The following CTNNA2 variants were observed in gnomAD, a reference collection of about 807,000 sequenced individuals.
CTNNA2 encodes the protein catenin alpha-2.
Under a neutral mutation model 101.0 loss-of-function variants are expected in CTNNA2, and 42 were observed. The observed-to-expected ratio is 0.42, with a 90% CI of 0.32 to 0.54. The LOEUF is 0.54. Ranked by LOEUF, CTNNA2 falls within the 20% of genes least tolerant of loss-of-function variation. The pLI, the probability that CTNNA2 is intolerant of heterozygous loss-of-function variation, is 0.14. For synonymous variants in CTNNA2, 450 were observed against 456.4 expected (o/e 0.99, Z 0.18); for missense variants, 871 against 1,223.1 (o/e 0.71, Z 4.29).
intron 3 of CTNNA2, among the ~76,000 whole-genome samples, chr2:79,780,276 C>T (rs6707714): frequency 0.032 from 4,925 of 152,274 alleles, 111 homozygotes; most frequent in Middle Eastern, 0.11. Context: ...GCCACATGTT[C>T]TCAGCATCTC....
chr2:80,481,088 C>T (rs990999279), intron 9 of CTNNA2, among the ~76,000 whole-genome samples: 81 of 152,096 alleles, frequency 5.3e-4, no homozygotes, highest in African/African-American at 1.9e-3. Flanking sequence ...CTGGACATTC[C>T]TTTTCATTAC....
intron 7 of CTNNA2, among the ~76,000 whole-genome samples, chr2:80,238,994 T>G (rs937074314): frequency 3.9e-5 from 6 of 152,164 alleles, no homozygotes; most frequent in Non-Finnish European, 1.5e-5. Context: ...GCGTAAAATA[T>G]TTCAGAGCAG....
At chr2:80,011,858 GT>G (rs1693808135) in intron 7 of CTNNA2, among the ~76,000 whole-genome samples, 3 of 152,086 alleles carry the variant, frequency 2.0e-5, no homozygotes, top group Admixed American at 2.0e-4. Flanking sequence ...TTTTAAAGTA[GT>G]TGAAAATGTG....
intron 1 of CTNNA2, among the ~76,000 whole-genome samples, chr2:79,545,087 G>A (rs756805084): frequency 2.0e-5 from 3 of 152,108 alleles, no homozygotes; most frequent in East Asian, 1.9e-4. Flanking sequence ...TGATAGCACC[G>A]TTGCAGAGAC....
intron 7 of CTNNA2, among the ~76,000 whole-genome samples, chr2:80,208,467 G>A (rs931775476): frequency 1.3e-5 from 2 of 152,134 alleles, no homozygotes; most frequent in African/African-American, 4.8e-5. Flanking sequence ...TCAACAAAAT[G>A]TATTGATGGA....
intron 4 of CTNNA2, among the ~76,000 whole-genome samples, chr2:79,865,863 G>A (rs1428403378): frequency 1.3e-5 from 2 of 152,182 alleles, no homozygotes; most frequent in Non-Finnish European, 2.9e-5. Context: ...GGGACTATAG[G>A]CACCCACCAC....
intron 1 of CTNNA2, among the ~76,000 whole-genome samples, chr2:79,571,022 A>G (rs1675430040): frequency 6.6e-6 from 1 of 152,226 alleles, no homozygotes; most frequent in Admixed American, 6.5e-5. Flanking sequence ...TTATATCTGC[A>G]GTGATAACAA....
intron 7 of CTNNA2, among the ~76,000 whole-genome samples, chr2:80,114,020 T>G (rs922672720): frequency 1.3e-5 from 2 of 152,256 alleles, no homozygotes; most frequent in African/African-American, 4.8e-5. Context: ...TTTTATTATC[T>G]GCATCATGAG....
rs190390903 is a variant in CTNNA2 at position 79,966,078 on chromosome 2, T to C, written c.1056+56281T>C. On this transcript the variant is annotated intron_variant, in intron 7 of 18. Transcript: ENST00000402739. ...AAGAGATGCTCGTAACCCATTCATT[T>C]TTCTATGGTGAGTTTTTTTAATATC... Among the ~76,000 whole-genome samples, 264 of 152,198 alleles carry C rather than the reference T, an allele frequency of 1.7e-3. 4 individuals carry two copies. Among genetic ancestry groups the C allele is most frequent in the Admixed American group, 0.011 (166 of 15,274 alleles).
intron 2 of CTNNA2, among the ~76,000 whole-genome samples, chr2:79,293,910 A>G (rs1270361128): frequency 2.0e-5 from 3 of 152,188 alleles, no homozygotes; most frequent in Non-Finnish European, 4.4e-5. Context: ...TATCTTAGAT[A>G]CAGCAGGATG....
At chr2:80,197,667 G>A (rs563792859) in intron 7 of CTNNA2, among the ~76,000 whole-genome samples, 2 of 152,148 alleles carry the variant, frequency 1.3e-5, no homozygotes, top group African/African-American at 4.8e-5. Context: ...CTACTGTAGA[G>A]CCATCACCAA....
At chr2:80,189,581 T>C (rs947458389) in intron 7 of CTNNA2, among the ~76,000 whole-genome samples, 3 of 152,180 alleles carry the variant, frequency 2.0e-5, no homozygotes, top group African/African-American at 7.2e-5. Context: ...CTAAGCCTAT[T>C]ATTTTCCTAA....
intron 1 of CTNNA2, among the ~76,000 whole-genome samples, chr2:79,536,585 G>T (rs1350835029): frequency 1.3e-5 from 2 of 151,950 alleles, no homozygotes; most frequent in Non-Finnish European, 2.9e-5. Context: ...GTGTGTGTGT[G>T]TGTGTGTGTG....
Position 80,172,346 on chromosome 2 carries a change from G to A in CTNNA2, c.1057-220865G>A, listed in dbSNP as rs2148964663. On this transcript the variant is annotated intron_variant, in intron 7 of 18. Coordinates refer to ENST00000402739, the MANE Select transcript of CTNNA2 (RefSeq NM_001282597.3). ...AAATCATTTCATTGTTTTGAGACAG[G>A]CTATACAGGTTCTAGGTTACTGGCC... 1.3e-5 allele frequency among the ~76,000 whole-genome samples: 2 copies of A among 152,272 alleles called. 1 individual carries two copies. Among genetic ancestry groups the A allele is most frequent in the South Asian group, 4.1e-4 (2 of 4,820 alleles).
At chr2:80,581,950 G>T in intron 14 of CTNNA2, 131 bp downstream of exon 14, 2 of 607,590 alleles carry the variant, frequency 3.3e-6, no homozygotes, top group Non-Finnish European at 3.0e-6. Flanking sequence ...GCTCTCATCT[G>T]AGGTTGTTTA....
At chr2:80,515,333 A>C (rs77672086) in intron 9 of CTNNA2, among the ~76,000 whole-genome samples, 4,627 of 152,204 alleles carry the variant, frequency 0.03, 98 homozygotes, top group Non-Finnish European at 0.036. Context: ...TCCCATATGA[A>C]AAAAAGATAA....
At chr2:79,678,473 T>G (rs1683336946) in intron 2 of CTNNA2, among the ~76,000 whole-genome samples, 1 of 150,878 alleles carries the variant, frequency 6.6e-6, no homozygotes, top group Non-Finnish European at 1.5e-5. Context: ...AGGTGGAGGT[T>G]GCAGTTAGCC....
intron 1 of CTNNA2, among the ~76,000 whole-genome samples, chr2:79,191,960 C>G (rs1295736370): frequency 6.6e-6 from 1 of 152,140 alleles, no homozygotes; most frequent in African/African-American, 2.4e-5. Flanking sequence ...TCCATGGTTG[C>G]TGGTCACTTA....
intron 7 of CTNNA2, among the ~76,000 whole-genome samples, chr2:80,365,583 AAAC>A (rs1379678377): frequency 1.3e-5 from 2 of 148,836 alleles, no homozygotes; most frequent in African/African-American, 2.5e-5. Context: ...AAAAAAAAAA[AAAC>A]AACAACAACT....
Sources: gnomAD v4.1 joint callset for allele counts (sites outside exome capture counted in the v4.1 genomes callset) on GRCh38, gnomAD v4.1.1 for gene constraint, MANE v1.5 for transcripts, NCBI Gene and HGNC (gene_info 2026-07-23, HGNC 2026-07-21) for gene names.